Variants in ZNF232 observed in about 807,000 individuals in gnomAD.
ZNF232 encodes the protein zinc finger protein 232.
ZNF232 carries 25 observed loss-of-function variants against 25.2 expected under a neutral mutation model. The ratio of observed to expected loss-of-function variants is 0.99; its 90% CI spans 0.72 to 1.39. The LOEUF (loss-of-function observed/expected upper bound fraction) is 1.39. Ranked by LOEUF, ZNF232 falls within the 40% of genes most tolerant of loss-of-function variation. The probability of loss-of-function intolerance (pLI) is 0.00; values close to 1 mark genes in which losing one functional copy is unlikely to be tolerated. For synonymous variants in ZNF232, 193 were observed against 182.9 expected, an observed-to-expected ratio of 1.06 and a Z score of -0.45; for missense variants, 519 against 520.9, an observed-to-expected ratio of 1.00 and a Z score of 0.04.
upstream of ZNF232, chr17:5,116,465 G>T (rs1002216981): frequency 1.3e-5 from 2 of 152,346 alleles, no homozygotes; most frequent in Non-Finnish European, 2.9e-5. Flanking sequence ...TGTCTGAGGG[G>T]CGTCTACCTG....
chr17:5,119,906 C>G (rs2072613765), intron 1 of ZNF232, among the ~76,000 whole-genome samples: 1 of 152,118 alleles, frequency 6.6e-6, no homozygotes, highest in Admixed American at 6.5e-5. Flanking sequence ...ACCCCTCCTT[C>G]AGGTCTGTCG....
intron 3 of ZNF232, among the ~76,000 whole-genome samples, chr17:5,107,698 G>A (rs2072295331): frequency 6.6e-6 from 1 of 151,894 alleles, no homozygotes; most frequent in Non-Finnish European, 1.5e-5. Context: ...ATCACACCTG[G>A]CTAATTTTTG....
At chr17:5,110,145 G>C (rs1036811313) in intron 1 of ZNF232, among the ~76,000 whole-genome samples, 1 of 152,076 alleles carries the variant, frequency 6.6e-6, no homozygotes, top group African/African-American at 2.4e-5. Context: ...ACCCACCTCG[G>C]CCTCCCAAAG....
intron 3 of ZNF232, among the ~76,000 whole-genome samples, chr17:5,106,845 T>A (rs2072272133): frequency 6.6e-6 from 1 of 152,156 alleles, no homozygotes; most frequent in African/African-American, 2.4e-5. Context: ...GGGAATGATG[T>A]TGTGAAGAAA....
chr17:5,115,575 C>CACACACACACACACAA (rs1295089798), upstream of ZNF232, among the ~76,000 whole-genome samples: 7 of 149,554 alleles, frequency 4.7e-5, no homozygotes, highest in South Asian at 8.4e-4. Context: ...CACACACACA[C>CACACACACACACACAA]AAAACCCAAA....
chr17:5,113,603 T>A (rs1016360314), upstream of ZNF232: 1 of 152,252 alleles, frequency 6.6e-6, no homozygotes, highest in African/African-American at 2.4e-5. Flanking sequence ...CTGTATCTAA[T>A]TTTGCTAGGA....
chr17:5,115,564 A>ACACACACACACACG (rs1555584350), upstream of ZNF232, among the ~76,000 whole-genome samples: 1 of 151,662 alleles, frequency 6.6e-6, no homozygotes, highest in African/African-American at 2.4e-5. Context: ...AAACACACAC[A>ACACACACACACACG]CACACACACA....
intron 1 of ZNF232, chr17:5,111,346 G>C (rs1291044143): frequency 1.6e-5 from 3 of 193,448 alleles, no homozygotes; most frequent in Admixed American, 5.7e-5. Flanking sequence ...CAGGGAAGGA[G>C]GTGGAACGCA....
At chr17:5,109,238 CT>C in intron 2 of ZNF232, 155 bp downstream of exon 2, 1 of 1,238,444 alleles carries the variant, frequency 8.1e-7, no homozygotes, top group East Asian at 2.3e-5. Context: ...TCATTCAGGG[CT>C]CGAGGGCAGA....
chr17:5,112,110 T>A, upstream of ZNF232: 1 of 528,874 alleles, frequency 1.9e-6, no homozygotes, highest in Non-Finnish European at 3.3e-6. Context: ...AGGTGGAGAG[T>A]GAGCCCTTGT....
chr17:5,116,270 C>T (rs562411239), upstream of ZNF232, among the ~76,000 whole-genome samples: 2 of 152,080 alleles, frequency 1.3e-5, no homozygotes, highest in South Asian at 4.1e-4. Flanking sequence ...CCACTCCCGG[C>T]CCCGCTCCGG....
chr17:5,122,698 G>C (rs1209921745), intron 1 of ZNF232, among the ~76,000 whole-genome samples: 1 of 152,204 alleles, frequency 6.6e-6, no homozygotes, highest in Non-Finnish European at 1.5e-5. Context: ...AGCTGCCCGC[G>C]CCTAAGCTCC....
At position 5,106,620 on chromosome 17, in the gene ZNF232, A is replaced by C. The variant is rs1474666717; in HGVS notation, c.626-114T>G. 7.1e-6 allele frequency: 8 copies of C among 1,133,690 alleles called. No homozygotes were observed. The Admixed American group carries it at 1.9e-4, about 28-fold the overall frequency. 70.2% of individuals were successfully genotyped at this position (1,133,690 alleles called of 1,614,324 possible). A position where few individuals can be genotyped will look rare whatever the true frequency, so the allele number is the denominator to read the frequency against. On this transcript the variant is annotated intron_variant, in intron 3 of 3. Transcript: ENST00000575898. ...CTTAAAAACAACTATATATATGACA[A>C]ACATTCGAAGAATATTTACTGGATA... is the stretch of plus-strand genomic sequence containing the variant.
chr17:5,109,452 C>T, exon 2 of ZNF232: 1 of 1,614,096 alleles, frequency 6.2e-7, no homozygotes, highest in Non-Finnish European at 8.5e-7. Flanking sequence ...AGCCTCCTCT[C>T]CACTCTTAGG....
At chr17:5,111,906 C>T, upstream of ZNF232, 1 of 1,577,978 alleles carries the variant, frequency 6.3e-7, no homozygotes, top group Non-Finnish European at 8.6e-7. Context: ...CCTCGGCCTC[C>T]AACTCCCAGA....
chr17:5,106,574 T>C, intron 3 of ZNF232, 41 bp from the exon 4 acceptor site: 1 of 1,501,272 alleles, frequency 6.7e-7, no homozygotes, highest in Non-Finnish European at 9.0e-7. Flanking sequence ...AAAATGTATA[T>C]TTCTGGAATG....
At chr17:5,113,280 T>C (rs2072460810), upstream of ZNF232, 1 of 152,268 alleles carries the variant, frequency 6.6e-6, no homozygotes, top group African/African-American at 2.4e-5. Context: ...GTTGAATGTC[T>C]ACTACGTGTC....
exon 1 of ZNF232, chr17:5,123,064 C>T (rs2072748509): frequency 6.5e-6 from 1 of 153,184 alleles, no homozygotes; most frequent in South Asian, 1.8e-4. Flanking sequence ...TGGGCTGGAT[C>T]CTTAGGCTCC....
chr17:5,106,071 T>A, exon 4 of ZNF232: 1 of 1,614,184 alleles, frequency 6.2e-7, no homozygotes, highest in East Asian at 2.2e-5. Flanking sequence ...CTTCCCACAT[T>A]CATTACATTC....
Sources: allele counts gnomAD v4.1 joint callset (sites outside exome capture counted in the v4.1 genomes callset), GRCh38; gene constraint gnomAD v4.1.1; transcripts MANE v1.5; gene names NCBI Gene and HGNC (gene_info 2026-07-23, HGNC 2026-07-21).